Variants in SLC9C1 observed in about 807,000 individuals in gnomAD.
SLC9C1 encodes solute carrier family 9 member C1.
SLC9C1 carries 97 observed loss-of-function variants against 140.9 expected under a neutral mutation model. That is an observed-to-expected ratio of 0.69 (90% confidence interval 0.58 to 0.82). The LOEUF is 0.82. SLC9C1 is among the 40% of genes least tolerant of loss of function. The pLI, the probability that SLC9C1 is intolerant of heterozygous loss-of-function variation, is 0.00. For missense variants in SLC9C1, 1,340 were observed against 1,389.3 expected (o/e 0.96, Z 0.56); for synonymous variants, 440 against 442.6 (o/e 0.99, Z 0.07).
At chr3:112,205,255 A>G (rs531632012) in intron 16 of SLC9C1, among the ~76,000 whole-genome samples, 4 of 152,230 alleles carry the variant, frequency 2.6e-5, no homozygotes, top group South Asian at 4.2e-4. Flanking sequence ...TTACACACCA[A>G]TAACAGTCAA....
At chr3:112,183,039 G>A (rs1292078204) in intron 20 of SLC9C1, among the ~76,000 whole-genome samples, 1 of 152,106 alleles carries the variant, frequency 6.6e-6, no homozygotes, top group East Asian at 1.9e-4. Context: ...TTCATTTGGG[G>A]TTTTTATGAG....
chr3:112,151,990 G>T, intron 27 of SLC9C1, 27 bp from the exon 28 acceptor site: 2 of 1,552,988 alleles, frequency 1.3e-6, no homozygotes, highest in South Asian at 2.5e-5. Context: ...TTTGTTACTT[G>T]ATGTCATGAT....
intron 15 of SLC9C1, among the ~76,000 whole-genome samples, chr3:112,209,241 C>A (rs1351096369): frequency 5.3e-5 from 8 of 152,006 alleles, no homozygotes; most frequent in Non-Finnish European, 1.2e-4. Flanking sequence ...ATTATGAGTG[C>A]AGTAATATAT....
intron 12 of SLC9C1, among the ~76,000 whole-genome samples, chr3:112,238,373 GT>G (rs1410607612): frequency 1.3e-5 from 2 of 152,160 alleles, no homozygotes; most frequent in African/African-American, 2.4e-5. Flanking sequence ...CTTTTTTCAA[GT>G]TTTTTAACTT....
intron 13 of SLC9C1, among the ~76,000 whole-genome samples, chr3:112,225,490 GA>G (rs2078658602): frequency 6.6e-6 from 1 of 151,198 alleles, no homozygotes; most frequent in African/African-American, 2.4e-5. Flanking sequence ...TATTATTACA[GA>G]AAAACACCAA....
rs961627437 is a variant in SLC9C1, at chr3:112,281,949, A to G, written c.89-1166T>C. Among the ~76,000 whole-genome samples, 3 of 152,254 alleles carry G rather than the reference A, an allele frequency of 2.0e-5. No individual in the cohort carries two copies. In the South Asian group the frequency reaches 6.2e-4, roughly 31 times the overall value. ...ATGTAATGTTGAAGAAGAAGCCCAC[A>G]GTGGCGGATCATCCACATCAGATTG... On this transcript the variant is annotated intron_variant, in intron 2 of 28. Coordinates refer to ENST00000305815, the MANE Select transcript of SLC9C1 (RefSeq NM_183061.3).
At chr3:112,250,130 T>G (rs1020671127) in intron 10 of SLC9C1, among the ~76,000 whole-genome samples, 3 of 150,862 alleles carry the variant, frequency 2.0e-5, no homozygotes, top group Admixed American at 2.0e-4. Flanking sequence ...TTCTCATTGT[T>G]CAATTCCCAC....
intron 23 of SLC9C1, among the ~76,000 whole-genome samples, chr3:112,175,942 A>G (rs146972355): frequency 1.3e-5 from 2 of 152,254 alleles, no homozygotes; most frequent in East Asian, 3.9e-4. Context: ...GTGATGTACC[A>G]CGGTCCTGCA....
At chr3:112,274,224 G>A (rs1194854413) in intron 6 of SLC9C1, among the ~76,000 whole-genome samples, 1 of 152,038 alleles carries the variant, frequency 6.6e-6, no homozygotes, top group Non-Finnish European at 1.5e-5. Flanking sequence ...GATGCTTCTA[G>A]GGATGGTGGT....
intron 26 of SLC9C1, among the ~76,000 whole-genome samples, chr3:112,160,524 G>GT (rs1176076092): frequency 1.3e-5 from 2 of 150,434 alleles, no homozygotes; most frequent in African/African-American, 2.4e-5. Context: ...GCGGTGTTTG[G>GT]TTTTTTGTTC....
At chr3:112,252,797 G>T (rs2079499286) in intron 10 of SLC9C1, among the ~76,000 whole-genome samples, 1 of 151,994 alleles carries the variant, frequency 6.6e-6, no homozygotes, top group South Asian at 2.1e-4. Context: ...TGGGAAAATA[G>T]GTCAGACTGC....
At chr3:112,251,602 A>G (rs1187871498) in intron 10 of SLC9C1, among the ~76,000 whole-genome samples, 2 of 152,148 alleles carry the variant, frequency 1.3e-5, no homozygotes, top group East Asian at 1.9e-4. Context: ...CTCCCATGGC[A>G]TCTCCTGGGA....
chr3:112,188,346 A>G (rs1397931276), intron 20 of SLC9C1, among the ~76,000 whole-genome samples: 1 of 151,604 alleles, frequency 6.6e-6, no homozygotes, highest in African/African-American at 2.4e-5. Flanking sequence ...TTAACTCATC[A>G]TTTACATTAG....
chr3:112,155,306 CCCAAA>C (rs2075098918), intron 26 of SLC9C1, among the ~76,000 whole-genome samples: 1 of 152,076 alleles, frequency 6.6e-6, no homozygotes, highest in Non-Finnish European at 1.5e-5. Flanking sequence ...ATTCCAATAT[CCCAAA>C]ATACTTTTAT....
At chr3:112,220,253 A>G (rs2078503332) in intron 14 of SLC9C1, among the ~76,000 whole-genome samples, 1 of 152,220 alleles carries the variant, frequency 6.6e-6, no homozygotes, top group Non-Finnish European at 1.5e-5. Flanking sequence ...GAAAGTCTGT[A>G]CTTGAAATGA....
intron 23 of SLC9C1, among the ~76,000 whole-genome samples, chr3:112,173,998 C>T (rs1340457903): frequency 6.6e-6 from 1 of 152,152 alleles, no homozygotes; most frequent in Non-Finnish European, 1.5e-5. Context: ...GATGGTATCT[C>T]ATTGTGTTTT....
intron 23 of SLC9C1, among the ~76,000 whole-genome samples, chr3:112,175,361 C>T (rs763587953): frequency 4.6e-5 from 7 of 152,108 alleles, no homozygotes; most frequent in Admixed American, 2.0e-4. Flanking sequence ...ATTGCCAGCC[C>T]GAACACACCT....
At chr3:112,206,202 A>G (rs903738440) in intron 16 of SLC9C1, among the ~76,000 whole-genome samples, 1 of 149,854 alleles carries the variant, frequency 6.7e-6, no homozygotes, top group African/African-American at 2.5e-5. Context: ...ATGAACAGAC[A>G]CTTCTCAAAA....
chr3:112,210,072 C>A (rs1560069636), intron 15 of SLC9C1, among the ~76,000 whole-genome samples: 1 of 152,164 alleles, frequency 6.6e-6, no homozygotes, highest in Non-Finnish European at 1.5e-5. Flanking sequence ...TTCCTGATAT[C>A]AAAATTGTAT....
Sources: gnomAD v4.1 joint callset for allele counts (sites outside exome capture counted in the v4.1 genomes callset) on GRCh38, gnomAD v4.1.1 for gene constraint, MANE v1.5 for transcripts, NCBI Gene and HGNC (gene_info 2026-07-23, HGNC 2026-07-21) for gene names.